MEGF6: variants seen among roughly 807,000 people sequenced by gnomAD.
MEGF6 encodes the protein multiple epidermal growth factor-like domains protein 6.
A neutral mutation model predicts 207.1 loss-of-function variants in MEGF6; 184 were observed. That is an observed-to-expected ratio of 0.89 (90% CI 0.79 to 1.00). The LOEUF (loss-of-function observed/expected upper bound fraction) is 1.00, where lower values mean the gene tolerates loss of function less well. MEGF6 is among the 50% of genes least tolerant of loss of function. MEGF6 has a pLI of 0.00. For missense variants in MEGF6, 2,282 were observed against 2,202.9 expected, an observed-to-expected ratio of 1.04 and a Z score of -0.72; for synonymous variants, 1,038 against 910.0, an observed-to-expected ratio of 1.14 and a Z score of -2.53.
intron 4 of MEGF6, among the ~76,000 whole-genome samples, chr1:3,542,068 C>G (rs1642544720): frequency 6.6e-6 from 1 of 152,232 alleles, no homozygotes; most frequent in South Asian, 2.1e-4. Context: ...CGCCCAGACC[C>G]GGCCTGGCCG....
intron 24 of MEGF6, 111 bp from the exon 25 acceptor site, chr1:3,498,937 G>A: frequency 6.9e-7 from 1 of 1,458,296 alleles, no homozygotes; most frequent in South Asian, 1.3e-5. Flanking sequence ...CCTTGCAGGG[G>A]GCTGCCCCTA....
At position 3,501,250 on chromosome 1, in the gene MEGF6, G is replaced by C. The variant is rs765557518; in HGVS notation, c.2373C>G (p.His791Gln). The change falls in exon 19 of 37, where the codon CAC (histidine) becomes CAG (glutamine). Residue 791 changes from histidine to glutamine, a missense_variant. His to Gln is a conservative substitution (Grantham distance 24). Transcript: ENST00000356575. Reference protein sequence around the residue: ...GCQEICPACQHAARCDPETGA... With the variant: ...GCQEICPACQQAARCDPETGA... ...CGGTCTCAGGGTCGCAGCGGGCAGC[G>C]TGCTGGCATGCTGGGCAGATCTCCT... The C allele has an allele frequency of 1.2e-6, 2 of 1,609,562 alleles. No homozygotes were observed. Among genetic ancestry groups the C allele is most frequent in the East Asian group, 2.2e-5 (1 of 44,676 alleles).
At chr1:3,553,381 C>T (rs902875933) in intron 4 of MEGF6, among the ~76,000 whole-genome samples, 6 of 152,062 alleles carry the variant, frequency 3.9e-5, no homozygotes, top group Admixed American at 6.5e-5. Flanking sequence ...CAGGAACAGG[C>T]GGGACGGGGA....
chr1:3,615,753 C>T (rs1158435455), upstream of MEGF6, among the ~76,000 whole-genome samples: 1 of 152,194 alleles, frequency 6.6e-6, no homozygotes, highest in African/African-American at 2.4e-5. Flanking sequence ...CTCTCCACCC[C>T]CCACCCTATC....
chr1:3,602,172 C>T (rs1047604843), intron 2 of MEGF6, among the ~76,000 whole-genome samples: 1 of 152,202 alleles, frequency 6.6e-6, no homozygotes, highest in Admixed American at 6.6e-5. Context: ...CCACTCTCCC[C>T]TTCCTGCGTG....
At position 3,551,328 on chromosome 1, in the gene MEGF6, G is replaced by T. The variant is rs553894896; in HGVS notation, c.482-27082C>A. ...AGCATGAATCACTCTGGGAGAGGCTGCTGGGGACGACAGGACCTAAGGGGC... is the reference window on the plus strand; with the variant it reads ...AGCATGAATCACTCTGGGAGAGGCTTCTGGGGACGACAGGACCTAAGGGGC... On this transcript the variant is annotated intron_variant, in intron 4 of 36. Coordinates refer to ENST00000356575, the MANE Select transcript of MEGF6 (RefSeq NM_001409.4). 1.0e-3 allele frequency among the ~76,000 whole-genome samples: 152 copies of T among 152,318 alleles called. 4 individuals are homozygous for T. In the South Asian group the frequency reaches 0.031, roughly 31 times the overall value.
intron 2 of MEGF6, among the ~76,000 whole-genome samples, chr1:3,600,960 G>A (rs1644147001): frequency 1.3e-5 from 2 of 152,182 alleles, no homozygotes; most frequent in African/African-American, 2.4e-5. Context: ...CACCTTTCGG[G>A]AGGGAGGGTT....
chr1:3,580,020 AC>A, intron 3 of MEGF6, 91 bp from the exon 4 acceptor site: 1 of 892,878 alleles, frequency 1.1e-6, no homozygotes, highest in Non-Finnish European at 1.7e-6. Flanking sequence ...CAGGCAGCCC[AC>A]CCAGCCTGCC....
At chr1:3,500,521 T>C in intron 21 of MEGF6, 112 bp downstream of exon 21, 1 of 1,405,824 alleles carries the variant, frequency 7.1e-7, no homozygotes, top group South Asian at 1.5e-5. Context: ...AGGCTTCGTG[T>C]GTGTGCGTGC....
At chr1:3,608,346 T>C (rs1483390685) in intron 1 of MEGF6, among the ~76,000 whole-genome samples, 1 of 152,112 alleles carries the variant, frequency 6.6e-6, no homozygotes, top group Non-Finnish European at 1.5e-5. Context: ...GGTCACGTGC[T>C]GTGAAACTCA....
chr1:3,516,688 A>G (rs1641553187), intron 5 of MEGF6, among the ~76,000 whole-genome samples: 1 of 152,194 alleles, frequency 6.6e-6, no homozygotes, highest in African/African-American at 2.4e-5. Flanking sequence ...CAGAGCAGGC[A>G]GCGGCTGGAG....
At chr1:3,554,133 T>G (rs112661244) in intron 4 of MEGF6, among the ~76,000 whole-genome samples, 7,063 of 152,108 alleles carry the variant, frequency 0.046, 226 homozygotes, top group African/African-American at 0.077. Flanking sequence ...GAAGAGCACA[T>G]GCGCCCCATC....
chr1:3,579,061 C>T (rs1275868780), intron 4 of MEGF6, among the ~76,000 whole-genome samples: 4 of 152,252 alleles, frequency 2.6e-5, no homozygotes, highest in South Asian at 4.1e-4. Flanking sequence ...GGCCACCACA[C>T]GAGCAGTCCC....
At chr1:3,598,480 G>C (rs1197718731) in intron 2 of MEGF6, among the ~76,000 whole-genome samples, 2 of 139,854 alleles carry the variant, frequency 1.4e-5, no homozygotes, top group Non-Finnish European at 3.2e-5. Context: ...GAGAGTGTTT[G>C]GGCCTGTGCG....
rs1640818481 is a variant in MEGF6, at chr1:3,500,661, A to G, written c.2679T>C (p.Ala893=). 6.4e-7 allele frequency: 1 copy of G among 1,568,090 alleles called. No individual in the cohort carries two copies. The highest frequency in any genetic ancestry group is 8.6e-7 in the Non-Finnish European group (1 of 1,156,728). Residue 893 remains alanine (A), a synonymous_variant, in exon 21 of 37, where the codon GCT becomes GCC. Coordinates refer to ENST00000356575, the MANE Select transcript of MEGF6 (RefSeq NM_001409.4). ...DAISGLCLCE[A]GYVGPRCEQQ... The stretch of plus-strand genomic sequence containing the variant: ...GCTCGCACCGCGGGCCCACGTAGCC[A>G]GCCTCACACAGACACAGGCCGCTGA...
chr1:3,512,641 C>T (rs573362495), intron 7 of MEGF6, among the ~76,000 whole-genome samples: 1 of 152,306 alleles, frequency 6.6e-6, no homozygotes, highest in Non-Finnish European at 1.5e-5. Context: ...TTTCCCTGCA[C>T]AAGCCCTCTC....
chr1:3,562,144 C>T (rs566635313), intron 4 of MEGF6, among the ~76,000 whole-genome samples: 2 of 152,256 alleles, frequency 1.3e-5, no homozygotes, highest in South Asian at 4.2e-4. Context: ...AGCCTATTTC[C>T]GTGTCTCTGT....
intron 5 of MEGF6, among the ~76,000 whole-genome samples, chr1:3,522,132 C>T (rs1354067355): frequency 1.3e-5 from 2 of 152,230 alleles, no homozygotes; most frequent in South Asian, 2.1e-4. Flanking sequence ...GAAGCTTCAG[C>T]GTAAAGGCCT....
At chr1:3,620,995 A>G in the MEGF6 span, among the ~76,000 whole-genome samples, 1 of 152,228 alleles carries the variant, frequency 6.6e-6, no homozygotes, top group African/African-American at 2.4e-5. Flanking sequence ...CATATCAGAG[A>G]CTTCTGGTAC....
Sources: allele counts gnomAD v4.1 joint callset (sites outside exome capture counted in the v4.1 genomes callset), GRCh38; gene constraint gnomAD v4.1.1; transcripts MANE v1.5; gene names NCBI Gene and HGNC (gene_info 2026-07-23, HGNC 2026-07-21).